Variants in LRRTM3 observed in about 807,000 individuals in gnomAD.
The protein encoded by LRRTM3 is leucine rich repeat transmembrane neuronal 3.
In LRRTM3, 24 loss-of-function variants were observed where a neutral mutation model predicts 44.7. That is an observed-to-expected ratio of 0.54 (90% CI 0.39 to 0.76). The LOEUF is 0.76. LRRTM3 is among the 30% of genes least tolerant of loss of function. LRRTM3 has a pLI of 0.00. For synonymous variants in LRRTM3, 277 were observed against 278.7 expected (o/e 0.99, Z 0.06); for missense variants, 587 against 702.2 (o/e 0.84, Z 1.85).
At chr10:66,965,761 A>G (rs1849380642) in intron 2 of LRRTM3, among the ~76,000 whole-genome samples, 1 of 152,220 alleles carries the variant, frequency 6.6e-6, no homozygotes, top group South Asian at 2.1e-4. Flanking sequence ...CAAAGGCCGC[A>G]TATGTTTCAA....
rs995139639 is a variant in LRRTM3 at position 67,058,003 on chromosome 10, G to A, written c.1537-39584G>A. 3.9e-5 allele frequency among the ~76,000 whole-genome samples: 6 copies of A among 152,106 alleles called. No individual in the cohort carries two copies. In the South Asian group the frequency reaches 6.2e-4, roughly 16 times the overall value. On this transcript the variant is annotated intron_variant, in intron 2 of 2. Transcript: ENST00000361320. ...ATCAGCAGGAAAGATAAGTGATTGC[G>A]CAAAGTTCCCCACATCATAGACACA...
intron 2 of LRRTM3, among the ~76,000 whole-genome samples, chr10:66,978,828 T>C (rs897555257): frequency 9.9e-5 from 15 of 151,330 alleles, no homozygotes; most frequent in Admixed American, 7.9e-4. Flanking sequence ...CCTAAATTAT[T>C]GCTTAGCCTG....
In LRRTM3 at chr10:66,958,308, C is replaced by CAA. The variant is rs35076056; in HGVS notation, c.1536+29881_1536+29882dup. Among the ~76,000 whole-genome samples, 60 of 86,916 alleles carry CAA rather than the reference C, an allele frequency of 6.9e-4. 3 individuals are homozygous for CAA. The highest frequency in any genetic ancestry group is 1.4e-3 in the African/African-American group (33 of 24,444). 57.0% of individuals were successfully genotyped at this position (86,916 alleles called of 152,430 possible). ...TTTTTTTCCTCCACCTGCTTTCTTG[C>CAA]AAAAAAAAAAAAAAAAAAAAAAAAA... On this transcript the variant is annotated intron_variant, in intron 2 of 2. Transcript: ENST00000361320.
Position 66,928,089 on chromosome 10 carries a change from C to T in LRRTM3, c.1173C>T (p.Ser391=), listed in dbSNP as rs1192829754. ...AGCTCCCCAGGCCGAAGCATGAGAG[C>T]AAACCCCCTTTGCCCCCGACGGTGG... ...KPKLPRPKHE[S]KPPLPPTVGA... Residue 391 remains serine, a synonymous_variant, in exon 2 of 3, where the codon AGC becomes AGT. Transcript: ENST00000361320. 4 of 1,613,938 alleles carry T rather than the reference C, an allele frequency of 2.5e-6. No homozygotes were observed. Among genetic ancestry groups the T allele is most frequent in the Non-Finnish European group, 3.4e-6 (4 of 1,180,040 alleles).
chr10:67,039,033 G>A (rs1854237118), intron 2 of LRRTM3, among the ~76,000 whole-genome samples: 1 of 151,994 alleles, frequency 6.6e-6, no homozygotes, highest in South Asian at 2.1e-4. Context: ...TGTTAGAAAG[G>A]ACTTGAGGTT....
At chr10:67,084,933 G>A (rs540991312) in intron 2 of LRRTM3, among the ~76,000 whole-genome samples, 1 of 151,800 alleles carries the variant, frequency 6.6e-6, no homozygotes, top group African/African-American at 2.4e-5. Flanking sequence ...TTCATATTAT[G>A]TTATATTTGT....
intron 2 of LRRTM3, among the ~76,000 whole-genome samples, chr10:66,995,918 A>G (rs1851304511): frequency 6.6e-6 from 1 of 152,214 alleles, no homozygotes; most frequent in African/African-American, 2.4e-5. Flanking sequence ...CTGATATTGC[A>G]TTAGACATTG....
At chr10:66,967,164 C>A (rs1196337606) in intron 2 of LRRTM3, among the ~76,000 whole-genome samples, 2 of 151,832 alleles carry the variant, frequency 1.3e-5, no homozygotes, top group Admixed American at 1.3e-4. Flanking sequence ...TTTCTGGAAA[C>A]GTGAGATTTT....
rs184283919 is a variant in LRRTM3 at position 66,973,861 on chromosome 10, A to T, written c.1536+45409A>T. Among the ~76,000 whole-genome samples, 675 of 152,238 alleles carry T rather than the reference A, an allele frequency of 4.4e-3. 7 individuals carry two copies. Among genetic ancestry groups the T allele is most frequent in the Middle Eastern group, 0.01 (3 of 294 alleles). The stretch of plus-strand genomic sequence containing the variant: ...CTGGTCTTGAACTCCTGACCTCAAG[A>T]TTTATCCCCCTCGGCCTCCCAAAGT... On this transcript the variant is annotated intron_variant, in intron 2 of 2. Transcript: ENST00000361320.
chr10:67,067,319 A>G (rs1426659945), intron 2 of LRRTM3, among the ~76,000 whole-genome samples: 1 of 152,136 alleles, frequency 6.6e-6, no homozygotes, highest in Non-Finnish European at 1.5e-5. Context: ...TGCATGTTTA[A>G]TATTTATTGA....
chr10:66,963,291 C>T (rs763761685), intron 2 of LRRTM3, among the ~76,000 whole-genome samples: 21 of 152,152 alleles, frequency 1.4e-4, no homozygotes, highest in Admixed American at 3.3e-4. Context: ...TTGAACTCCA[C>T]CTCTGCAACT....
chr10:66,978,552 A>AAATATATATAT lies in LRRTM3; in HGVS notation c.1536+50101_1536+50102insATATATATATA. Among the ~76,000 whole-genome samples, 26 of 37,878 alleles carry AAATATATATAT rather than the reference A, an allele frequency of 6.9e-4. No homozygotes were observed. The South Asian group carries it at 8.1e-3, about 12-fold the overall frequency. 24.8% of individuals were successfully genotyped at this position (37,878 alleles called of 152,430 possible). A position where few individuals can be genotyped will look rare whatever the true frequency, so the allele number is the denominator to read the frequency against. ...AAAAAAAAAAAAAAAAAAAAAAAAA[A>AAATATATATAT]ATATATATATATATATATAGTATGG... On this transcript the variant is annotated intron_variant, in intron 2 of 2. Transcript: ENST00000361320.
chr10:66,942,098 C>T (rs144395591), intron 2 of LRRTM3, among the ~76,000 whole-genome samples: 1 of 152,212 alleles, frequency 6.6e-6, no homozygotes, highest in East Asian at 1.9e-4. Flanking sequence ...CATGTCCCAG[C>T]ACAATTTTGA....
In LRRTM3 at chr10:67,031,209, G is replaced by A. The variant is rs369447572; in HGVS notation, c.1537-66378G>A. On this transcript the variant is annotated intron_variant, in intron 2 of 2. Coordinates refer to ENST00000361320, the MANE Select transcript of LRRTM3 (RefSeq NM_178011.5). ...CTGATTTATATAAATTGATATATAT[G>A]TCTATATATAACAATACATTTGTCT... 6.6e-5 allele frequency among the ~76,000 whole-genome samples: 10 copies of A among 152,184 alleles called. No individual in the cohort carries two copies. In the East Asian group the frequency reaches 1.7e-3, roughly 26 times the overall value.
intron 2 of LRRTM3, among the ~76,000 whole-genome samples, chr10:66,994,524 C>T (rs1002411760): frequency 6.6e-6 from 1 of 152,140 alleles, no homozygotes; most frequent in African/African-American, 2.4e-5. Flanking sequence ...AGGAAAAAAG[C>T]AGTTGAAGTA....
intron 2 of LRRTM3, among the ~76,000 whole-genome samples, chr10:67,052,885 T>G (rs10822967): frequency 6.6e-6 from 1 of 151,988 alleles, no homozygotes; most frequent in Admixed American, 6.6e-5. Flanking sequence ...GTTTCGTAAA[T>G]TCTAAATGTA....
intron 2 of LRRTM3, among the ~76,000 whole-genome samples, chr10:67,001,224 C>T (rs940387418): frequency 6.7e-6 from 1 of 149,568 alleles, no homozygotes; most frequent in Non-Finnish European, 1.5e-5. Flanking sequence ...TCGCTTGAAC[C>T]AGGGACTCGG....
intron 2 of LRRTM3, among the ~76,000 whole-genome samples, chr10:67,004,312 A>C (rs1163854951): frequency 6.6e-6 from 1 of 152,218 alleles, no homozygotes; most frequent in Non-Finnish European, 1.5e-5. Flanking sequence ...AAACATGGAC[A>C]AAAGCCACAA....
chr10:67,007,708 A>C (rs1852083180), intron 2 of LRRTM3, among the ~76,000 whole-genome samples: 1 of 152,108 alleles, frequency 6.6e-6, no homozygotes, highest in South Asian at 2.1e-4. Flanking sequence ...AATTTATTAC[A>C]AATAAGTATA....
Sources: allele counts gnomAD v4.1 joint callset (sites outside exome capture counted in the v4.1 genomes callset), GRCh38; gene constraint gnomAD v4.1.1; transcripts MANE v1.5; gene names NCBI Gene and HGNC (gene_info 2026-07-23, HGNC 2026-07-21).